ARK2N: variants seen among roughly 807,000 people sequenced by gnomAD.
ARK2N encodes arkadia (RNF111) N-terminal like PKA signaling regulator 2N.
At chr18:46,261,382 G>A in the ARK2N span, among the ~76,000 whole-genome samples, 1 of 152,196 alleles carries the variant, frequency 6.6e-6, no homozygotes, top group Non-Finnish European at 1.5e-5. Context: ...AGTGAGGATA[G>A]TAAATTCCAT....
the ARK2N span, among the ~76,000 whole-genome samples, chr18:46,195,485 G>A: frequency 5.4e-5 from 8 of 148,940 alleles, no homozygotes; most frequent in African/African-American, 2.0e-4. Context: ...CTGGGCTTAA[G>A]CAGTCCTCCT....
At chr18:46,240,432 A>G in the ARK2N span, among the ~76,000 whole-genome samples, 1 of 152,230 alleles carries the variant, frequency 6.6e-6, no homozygotes, top group South Asian at 2.1e-4. Flanking sequence ...AGGTATTGGT[A>G]GGTTTCAGTA....
chr18:46,261,747 T>C, the ARK2N span, among the ~76,000 whole-genome samples: 3 of 152,220 alleles, frequency 2.0e-5, no homozygotes, highest in Non-Finnish European at 4.4e-5. Context: ...TGCCCTCTGC[T>C]CTGGCCCTGA....
the ARK2N span, among the ~76,000 whole-genome samples, chr18:46,189,094 A>G: frequency 1.3e-5 from 2 of 151,914 alleles, no homozygotes; most frequent in East Asian, 3.9e-4. Context: ...CGGTGCCTCT[A>G]ATACCAGCTA....
chr18:46,250,500 A>ACACACACACACACACACG, the ARK2N span, among the ~76,000 whole-genome samples: 5 of 150,950 alleles, frequency 3.3e-5, no homozygotes, highest in Non-Finnish European at 7.4e-5. Flanking sequence ...GTACACACAC[A>ACACACACACACACACACG]CACACACACA....
chr18:46,216,592 C>G, the ARK2N span: 2 of 1,607,626 alleles, frequency 1.2e-6, no homozygotes, highest in Non-Finnish European at 1.7e-6. The surrounding 1 kb of genome is among the most constrained non-coding windows in gnomAD (Gnocchi z 4.3). Context: ...TGCAGAGATA[C>G]CAGGTAGAGG....
chr18:46,213,159 G>A, the ARK2N span, among the ~76,000 whole-genome samples: 88 of 151,606 alleles, frequency 5.8e-4, no homozygotes, highest in Admixed American at 2.8e-3. Flanking sequence ...CTGCCACCAC[G>A]CCTGGCTAAT....
the ARK2N span, among the ~76,000 whole-genome samples, chr18:46,190,968 T>C: frequency 6.6e-6 from 1 of 152,190 alleles, no homozygotes. Flanking sequence ...AATAGATTCA[T>C]TTAACTGTGA....
chr18:46,184,883 T>G, the ARK2N span, among the ~76,000 whole-genome samples: 3 of 152,248 alleles, frequency 2.0e-5, no homozygotes, highest in African/African-American at 7.2e-5. Flanking sequence ...CCAAAGATAC[T>G]TAGTTTCATA....
the ARK2N span, chr18:46,262,878 T>G: frequency 6.4e-7 from 1 of 1,571,018 alleles, no homozygotes; most frequent in Non-Finnish European, 8.7e-7. Context: ...TTGTCTTCTG[T>G]TTTTCCTGTG....
At chr18:46,230,654 A>T in the ARK2N span, among the ~76,000 whole-genome samples, 12 of 152,326 alleles carry the variant, frequency 7.9e-5, no homozygotes, top group African/African-American at 2.6e-4. Context: ...AATCTATCAG[A>T]TAATTTTTTT....
chr18:46,213,624 A>G, the ARK2N span, among the ~76,000 whole-genome samples: 3 of 152,220 alleles, frequency 2.0e-5, no homozygotes, highest in Non-Finnish European at 4.4e-5. Context: ...AGCCTCCAAC[A>G]TTAGTATTAT....
chr18:46,229,863 C>T, the ARK2N span, among the ~76,000 whole-genome samples: 62 of 152,124 alleles, frequency 4.1e-4, no homozygotes, highest in African/African-American at 1.4e-3. Context: ...CTCGGCCTCC[C>T]AAAGTGCTGG....
At chr18:46,182,323 G>T in the ARK2N span, among the ~76,000 whole-genome samples, 1 of 152,202 alleles carries the variant, frequency 6.6e-6, no homozygotes, top group East Asian at 1.9e-4. Flanking sequence ...GTGTATAGTG[G>T]AGAGAATTTT....
the ARK2N span, among the ~76,000 whole-genome samples, chr18:46,187,585 G>A: frequency 2.6e-5 from 4 of 151,984 alleles, no homozygotes; most frequent in Non-Finnish European, 4.4e-5. Flanking sequence ...CAGGTGATCC[G>A]ACCGCCTTGG....
the ARK2N span, among the ~76,000 whole-genome samples, chr18:46,259,730 C>T: frequency 4.9e-5 from 7 of 142,892 alleles, no homozygotes; most frequent in African/African-American, 1.3e-4. Flanking sequence ...CTCAGCCTTC[C>T]GAGTAGCTGG....
At chr18:46,218,281 T>G in the ARK2N span, 1 of 152,218 alleles carries the variant, frequency 6.6e-6, no homozygotes, top group Non-Finnish European at 1.5e-5. Flanking sequence ...AAAACACCAG[T>G]GTCTGTTTCT....
the ARK2N span, among the ~76,000 whole-genome samples, chr18:46,191,646 T>A: frequency 6.6e-6 from 1 of 152,188 alleles, no homozygotes; most frequent in African/African-American, 2.4e-5. Context: ...GTTATTGCAA[T>A]TGTTGAACCT....
chr18:46,237,140 G>A, the ARK2N span, among the ~76,000 whole-genome samples: 1 of 152,030 alleles, frequency 6.6e-6, no homozygotes, highest in Non-Finnish European at 1.5e-5. Context: ...TGGGGTTATA[G>A]GTGTGAGCCA....
Sources: gnomAD v4.1 joint callset for allele counts (sites outside exome capture counted in the v4.1 genomes callset) on GRCh38, gnomAD v4.1.1 for gene constraint, Gnocchi (gnomAD v3.1) non-coding constraint, MANE v1.5 for transcripts, NCBI Gene and HGNC (gene_info 2026-07-23, HGNC 2026-07-21) for gene names.